AFF3: variants seen among roughly 807,000 people sequenced by gnomAD.
AFF3 encodes AF4/FMR2 family member 3.
Under a neutral mutation model 129.7 loss-of-function variants are expected in AFF3, and 32 were observed. That is an observed-to-expected ratio of 0.25 (90% CI 0.19 to 0.33). The LOEUF (loss-of-function observed/expected upper bound fraction) is 0.33. AFF3 is among the 10% of genes least tolerant of loss of function. The pLI is 1.00. For missense variants in AFF3, 1,373 were observed against 1,592.0 expected, an observed-to-expected ratio of 0.86 and a Z score of 2.34; for synonymous variants, 644 against 635.4, an observed-to-expected ratio of 1.01 and a Z score of -0.20.
Position 99,578,352 on chromosome 2 carries a change from T to A in AFF3, c.2893A>T (p.Arg965Trp). The change falls in exon 18 of 25, where the codon AGG becomes TGG. Residue 965 changes from arginine to tryptophan, a missense_variant. Transcript: ENST00000672756. ...ATATCATCGAAGACAAGTTTCTGCCTCTTGCAGTCCCTGTGGCCGTTGGAG... is the reference window on the plus strand; with the variant it reads ...ATATCATCGAAGACAAGTTTCTGCCACTTGCAGTCCCTGTGGCCGTTGGAG... ...PGSNGHRDCK[R>W]QKLVFDDMPR... The A allele has an allele frequency of 6.2e-7, 1 of 1,604,910 alleles. No individual in the cohort carries two copies. Among genetic ancestry groups the A allele is most frequent in the Non-Finnish European group, 8.5e-7 (1 of 1,176,910 alleles).
chr2:99,757,763 C>T (rs1037996401), intron 8 of AFF3, among the ~76,000 whole-genome samples: 4 of 152,186 alleles, frequency 2.6e-5, no homozygotes, highest in Non-Finnish European at 5.9e-5. Flanking sequence ...GGTAGCACCT[C>T]CCAACCTCCT....
intron 8 of AFF3, among the ~76,000 whole-genome samples, chr2:99,777,707 G>A (rs1329135129): frequency 1.3e-5 from 2 of 152,042 alleles, no homozygotes; most frequent in Non-Finnish European, 2.9e-5. Context: ...CTTTCTACCT[G>A]GTTCCTTTGC....
rs777783475 is a variant in AFF3 at position 99,560,394 on chromosome 2, T to A, written c.3162A>T (p.Thr1054=). ...RLKTHSGPNA[T]PEDKQLAALC... ...ATGCAGCCAGTTGTTTGTCTTCTGGTGTGGCATTGGGGCCTGAGTGGGTTT... is the reference window on the plus strand; with the variant it reads ...ATGCAGCCAGTTGTTTGTCTTCTGGAGTGGCATTGGGGCCTGAGTGGGTTT... Residue 1054 remains threonine (T), a synonymous_variant, in exon 21 of 25, where the codon ACA becomes ACT. Transcript: ENST00000672756. 100 of 1,614,056 alleles carry A rather than the reference T, an allele frequency of 6.2e-5. No individual in the cohort carries two copies. The highest frequency in any genetic ancestry group is 8.1e-5 in the Non-Finnish European group (95 of 1,180,022).
At chr2:99,911,018 A>G (rs949300431) in intron 7 of AFF3, among the ~76,000 whole-genome samples, 1 of 152,244 alleles carries the variant, frequency 6.6e-6, no homozygotes, top group African/African-American at 2.4e-5. Context: ...AAGCTTTTAC[A>G]TAAATGCTAA....
intron 7 of AFF3, among the ~76,000 whole-genome samples, chr2:99,885,403 T>C (rs769765163): frequency 1.6e-4 from 24 of 152,220 alleles, no homozygotes; most frequent in Non-Finnish European, 3.4e-4. Context: ...CATGTTTCCC[T>C]GAGAGCAGGA....
chr2:99,885,412 G>A (rs1693039222), intron 7 of AFF3, among the ~76,000 whole-genome samples: 1 of 152,084 alleles, frequency 6.6e-6, no homozygotes, highest in Non-Finnish European at 1.5e-5. Flanking sequence ...CTGAGAGCAG[G>A]AATTGTGTTT....
intron 4 of AFF3, among the ~76,000 whole-genome samples, chr2:100,023,660 G>T (rs1371208824): frequency 2.0e-5 from 3 of 152,084 alleles, no homozygotes; most frequent in African/African-American, 7.2e-5. Context: ...ATTCAGCTAA[G>T]GTCCAAGCAG....
intron 1 of AFF3, among the ~76,000 whole-genome samples, chr2:100,131,277 C>T (rs1033572220): frequency 1.3e-5 from 2 of 152,034 alleles, no homozygotes; most frequent in East Asian, 1.9e-4. Flanking sequence ...GTGCAGTTTT[C>T]GTGGGAGAGG....
intron 11 of AFF3, among the ~76,000 whole-genome samples, chr2:99,724,986 T>TC (rs1679240687): frequency 6.6e-6 from 1 of 152,178 alleles, no homozygotes; most frequent in South Asian, 2.1e-4. Context: ...CTTTTTTTTT[T>TC]CTGAGATAGA....
At chr2:99,775,160 C>T (rs1210955480) in intron 8 of AFF3, among the ~76,000 whole-genome samples, 3 of 152,136 alleles carry the variant, frequency 2.0e-5, no homozygotes, top group African/African-American at 4.8e-5. Flanking sequence ...ATTCAACCAT[C>T]GTGGAAGACA....
intron 8 of AFF3, among the ~76,000 whole-genome samples, chr2:99,810,612 T>C (rs1300757358): frequency 6.6e-6 from 1 of 152,052 alleles, no homozygotes; most frequent in Non-Finnish European, 1.5e-5. Context: ...CTGAAATATC[T>C]TGTCTATCCA....
chr2:99,688,165 T>C (rs1675258048), intron 11 of AFF3, among the ~76,000 whole-genome samples: 4 of 152,168 alleles, frequency 2.6e-5, no homozygotes, highest in Non-Finnish European at 5.9e-5. Flanking sequence ...TCTATCAGTA[T>C]GGACTCTTGC....
chr2:99,589,396 C>CA (rs1176817016), intron 15 of AFF3, among the ~76,000 whole-genome samples: 21 of 98,392 alleles, frequency 2.1e-4, no homozygotes, highest in African/African-American at 7.9e-4. Flanking sequence ...AAGATGTCAA[C>CA]ATTTTTTTTT....
chr2:99,856,541 T>C (rs1417001100), intron 7 of AFF3, among the ~76,000 whole-genome samples: 1 of 152,166 alleles, frequency 6.6e-6, no homozygotes, highest in Non-Finnish European at 1.5e-5. Flanking sequence ...ACAGATAACA[T>C]TGAAGCATTA....
At chr2:100,075,341 G>C (rs893272602) in intron 4 of AFF3, among the ~76,000 whole-genome samples, 4 of 152,064 alleles carry the variant, frequency 2.6e-5, no homozygotes, top group African/African-American at 9.7e-5. Context: ...ACCACAGCTC[G>C]TGTTTGGGGC....
rs370887731 is a variant in AFF3 at position 99,770,766 on chromosome 2, C to T, written c.922-18465G>A. ...TCTCCTTCTGGCCCAGGGTGTCTCTCTAGAAATGTTTTCTGAGAGGTACGG... is the reference window on the plus strand; with the variant it reads ...TCTCCTTCTGGCCCAGGGTGTCTCTTTAGAAATGTTTTCTGAGAGGTACGG... On this transcript the variant is annotated intron_variant, in intron 8 of 24. Transcript: ENST00000672756. Among the ~76,000 whole-genome samples the T allele has an allele frequency of 1.8e-4, 27 of 152,278 alleles. 1 individual carries two copies. The highest frequency in any genetic ancestry group is 1.7e-3 in the South Asian group (8 of 4,822).
In AFF3 at chr2:99,572,933, C is replaced by G. The variant is rs115866728; in HGVS notation, c.2919-4018G>C. Among the ~76,000 whole-genome samples the G allele has an allele frequency of 3.9e-3, 597 of 152,264 alleles. 4 individuals are homozygous for G. Among genetic ancestry groups the G allele is most frequent in the African/African-American group, 0.013 (550 of 41,528 alleles). On this transcript the variant is annotated intron_variant, in intron 18 of 24. Transcript: ENST00000672756. ...TTTGATGTCGGCTGGGGCTCAGAGT[C>G]CCTGGAACCGGGCTTCTCCCAGGCA...
intron 8 of AFF3, among the ~76,000 whole-genome samples, chr2:99,827,642 G>GATAT (rs778161998): frequency 6.8e-6 from 1 of 148,044 alleles, no homozygotes; most frequent in Non-Finnish European, 1.5e-5. Context: ...TAGCACTGAA[G>GATAT]ATATATATAT....
chr2:99,733,754 C>T (rs771454643), intron 10 of AFF3, among the ~76,000 whole-genome samples: 7 of 151,988 alleles, frequency 4.6e-5, no homozygotes, highest in African/African-American at 1.4e-4. Flanking sequence ...AGTTTTCATA[C>T]GCCTGTGGAT....
Sources: allele counts gnomAD v4.1 joint callset (sites outside exome capture counted in the v4.1 genomes callset), GRCh38; gene constraint gnomAD v4.1.1; transcripts MANE v1.5; gene names NCBI Gene and HGNC (gene_info 2026-07-23, HGNC 2026-07-21).